The following NSD1 variants were observed in gnomAD, a reference collection of about 807,000 sequenced individuals.
The protein encoded by NSD1 is nuclear receptor binding SET domain protein 1, also known as histone-lysine N-methyltransferase, H3 lysine-36 specific.
In NSD1, 26 loss-of-function variants were observed where a neutral mutation model predicts 242.7. That is an observed-to-expected ratio of 0.11 (90% CI 0.08 to 0.15). The LOEUF is 0.15. Ranked by LOEUF, NSD1 falls within the 10% of genes least tolerant of loss-of-function variation. The probability of loss-of-function intolerance (pLI) is 1.00; values close to 1 mark genes in which losing one functional copy is unlikely to be tolerated. For synonymous variants in NSD1, 1,106 were observed against 1,178.1 expected (o/e 0.94, Z 1.25); for missense variants, 2,495 against 3,272.8 (o/e 0.76, Z 5.80).
intron 16 of NSD1, among the ~76,000 whole-genome samples, chr5:177,270,700 A>G (rs950002447): frequency 2.6e-5 from 4 of 152,194 alleles, no homozygotes; most frequent in Non-Finnish European, 4.4e-5. Flanking sequence ...GGGTGAGATG[A>G]AAAGGGATTC....
At chr5:177,136,396 C>T (rs1474831116) in intron 2 of NSD1, 2 of 195,862 alleles carry the variant, frequency 1.0e-5, no homozygotes, top group Non-Finnish European at 1.1e-5. Context: ...CAATTTAGTA[C>T]TTGGAGTCCT....
At chr5:177,143,323 T>C (rs891741149) in intron 2 of NSD1, among the ~76,000 whole-genome samples, 5 of 152,074 alleles carry the variant, frequency 3.3e-5, no homozygotes, top group African/African-American at 1.2e-4. Flanking sequence ...TAATTAAGGA[T>C]AATAATTTTT....
intron 2 of NSD1, among the ~76,000 whole-genome samples, chr5:177,156,174 ATTTTTTTTTT>A (rs34417228): frequency 9.0e-4 from 70 of 78,010 alleles, no homozygotes; most frequent in Non-Finnish European, 1.2e-3. Flanking sequence ...CTCTTTTCAG[ATTTTTTTTTT>A]TTTTTTTTTT....
At chr5:177,182,917 C>T (rs775134987) in intron 2 of NSD1, among the ~76,000 whole-genome samples, 3 of 152,134 alleles carry the variant, frequency 2.0e-5, no homozygotes, top group Admixed American at 6.6e-5. Context: ...GCATTACAGG[C>T]GTGAGCCACC....
At chr5:177,266,265 T>C in intron 14 of NSD1, 2 of 758,392 alleles carry the variant, frequency 2.6e-6, no homozygotes, top group South Asian at 2.7e-5. Flanking sequence ...ACCTTCCCCT[T>C]GGTGATGGTC....
intron 14 of NSD1, among the ~76,000 whole-genome samples, chr5:177,263,996 C>T (rs1239584650): frequency 6.9e-6 from 1 of 144,856 alleles, no homozygotes; most frequent in Admixed American, 7.1e-5. Context: ...TGAAATAGGC[C>T]ATTTAGAAGA....
intron 11 of NSD1, 133 bp downstream of exon 11, chr5:177,248,457 T>A: frequency 2.5e-6 from 3 of 1,220,938 alleles, no homozygotes; most frequent in East Asian, 2.5e-5. Flanking sequence ...TCACTTTCTT[T>A]AAGGATTTGA....
chr5:177,248,156 T>G, intron 10 of NSD1, 25 bp from the exon 11 acceptor site: 1 of 1,613,368 alleles, frequency 6.2e-7, no homozygotes, highest in Non-Finnish European at 8.5e-7. Flanking sequence ...AATACAGATG[T>G]GGGACATTAT....
chr5:177,134,994 A>T lies in NSD1; in HGVS notation c.-17-93A>T, dbSNP rs1297127047. On this transcript the variant is annotated intron_variant, in intron 1 of 22. Coordinates refer to ENST00000439151, the MANE Select transcript of NSD1 (RefSeq NM_022455.5). The surrounding 1 kb of genome is among the most constrained non-coding windows in gnomAD (Gnocchi z 4.2). The stretch of plus-strand genomic sequence containing the variant: ...CCATGGAAGTGCAGCAGAAAGGCAT[A>T]GAGGCCACTAGGCCTTGAAGTGGCT... 1 of 1,096,322 alleles carries T rather than the reference A, an allele frequency of 9.1e-7. No homozygotes were observed. Among genetic ancestry groups the T allele is most frequent in the East Asian group, 2.4e-5 (1 of 42,542 alleles). The allele number at this position is 1,096,322 out of a possible 1,614,324, so 67.9% of individuals were successfully genotyped here.
rs190139520 is a variant in NSD1 at position 177,203,502 on chromosome 5, C to T, written c.1064-618C>T. Among the ~76,000 whole-genome samples the T allele has an allele frequency of 9.2e-5, 14 of 152,188 alleles. No individual in the cohort carries two copies. In the East Asian group the frequency reaches 1.3e-3, roughly 15 times the overall value. On this transcript the variant is annotated intron_variant, in intron 3 of 22. Transcript: ENST00000439151. Reference sequence around the variant, plus strand: ...TTTGCAAAACCAGTGTTTGACCATGCGCTTGTTCTCTCTGAAGTTATTGAA... The same window carrying T: ...TTTGCAAAACCAGTGTTTGACCATGTGCTTGTTCTCTCTGAAGTTATTGAA...
rs144280584 is a variant in NSD1, at chr5:177,195,584, G to T, written c.1063+3565G>T. On this transcript the variant is annotated intron_variant, in intron 3 of 22. Transcript: ENST00000439151. Reference sequence around the variant, plus strand: ...CCAGGGTCAAGCGATCTTCCCTCCTGTGCCTTCCAAGCAGCTGGGGCTACA... The same window carrying T: ...CCAGGGTCAAGCGATCTTCCCTCCTTTGCCTTCCAAGCAGCTGGGGCTACA... Among the ~76,000 whole-genome samples, 13 of 152,054 alleles carry T rather than the reference G, an allele frequency of 8.5e-5. No individual in the cohort carries two copies. The South Asian group carries it at 1.0e-3, about 12-fold the overall frequency.
chr5:177,246,653 G>A (rs1164152213), intron 9 of NSD1, 25 bp from the exon 10 acceptor site: 1 of 1,513,952 alleles, frequency 6.6e-7, no homozygotes, highest in East Asian at 2.3e-5. Context: ...GTAGCCAGCA[G>A]TTAACACCTA....
chr5:177,181,001 T>G (rs1465772491), intron 2 of NSD1, among the ~76,000 whole-genome samples: 1 of 151,218 alleles, frequency 6.6e-6, no homozygotes, highest in Non-Finnish European at 1.5e-5. Context: ...TTTTAACAGA[T>G]GAAGAGTTGC....
chr5:177,199,616 T>TTCTTTTC (rs1562191190), intron 3 of NSD1, among the ~76,000 whole-genome samples: 1 of 151,784 alleles, frequency 6.6e-6, no homozygotes. Flanking sequence ...TTTCTTTTTT[T>TTCTTTTC]TTGAGATGGA....
chr5:177,198,537 A>C (rs1210985888), intron 3 of NSD1, among the ~76,000 whole-genome samples: 3 of 152,210 alleles, frequency 2.0e-5, no homozygotes, highest in African/African-American at 7.2e-5. Context: ...ACCTATTACT[A>C]ATCTAGTAAT....
At chr5:177,274,953 C>T (rs1313552064) in intron 17 of NSD1, among the ~76,000 whole-genome samples, 6 of 151,868 alleles carry the variant, frequency 4.0e-5, no homozygotes, top group African/African-American at 7.2e-5. Flanking sequence ...AGGCTGGTCT[C>T]GAACTCCTGA....
chr5:177,227,135 A>G (rs1426276971), intron 5 of NSD1, among the ~76,000 whole-genome samples: 1 of 152,234 alleles, frequency 6.6e-6, no homozygotes, highest in African/African-American at 2.4e-5. Context: ...AAAGATGGGG[A>G]TACAGATAAA....
chr5:177,142,020 G>A (rs1458780476), intron 2 of NSD1, among the ~76,000 whole-genome samples: 1 of 151,956 alleles, frequency 6.6e-6, no homozygotes, highest in Non-Finnish European at 1.5e-5. Flanking sequence ...TTTTAGTAGA[G>A]ACAGGGTTTT....
Position 177,225,011 on chromosome 5 carries a change from C to T in NSD1, c.3797-10810C>T, listed in dbSNP as rs148152619. On this transcript the variant is annotated intron_variant, in intron 5 of 22. Coordinates refer to ENST00000439151, the MANE Select transcript of NSD1 (RefSeq NM_022455.5). Reference sequence around the variant, plus strand: ...AGTCCTGGGGTAAATCCTACTTGGTCATGTTGTGTAATGTTGTTGGATGTG... The same window carrying T: ...AGTCCTGGGGTAAATCCTACTTGGTTATGTTGTGTAATGTTGTTGGATGTG... 2.8e-3 allele frequency among the ~76,000 whole-genome samples: 427 copies of T among 152,030 alleles called. 4 individuals are homozygous for T. The highest frequency in any genetic ancestry group is 9.5e-3 in the African/African-American group (396 of 41,470).
Sources: allele counts gnomAD v4.1 joint callset (sites outside exome capture counted in the v4.1 genomes callset), GRCh38; gene constraint gnomAD v4.1.1; non-coding constraint Gnocchi (gnomAD v3.1); transcripts MANE v1.5; gene names NCBI Gene and HGNC (gene_info 2026-07-23, HGNC 2026-07-21).